PYY: variants seen among roughly 807,000 people sequenced by gnomAD.
PYY encodes peptide tyrosine tyrosine.
PYY carries 12 observed loss-of-function variants against 10.3 expected under a neutral mutation model. That is an observed-to-expected ratio of 1.17 (90% CI 0.75 to 1.89). PYY has a LOEUF of 1.89. PYY is among the 40% of genes most tolerant of loss of function. The pLI, the probability that PYY is intolerant of heterozygous loss-of-function variation, is 0.00. For missense variants in PYY, 141 were observed against 134.0 expected (o/e 1.05, Z -0.26); for synonymous variants, 66 against 62.0 (o/e 1.06, Z -0.30).
At chr17:44,000,857 T>C (rs760720761) in intron 1 of PYY, among the ~76,000 whole-genome samples, 7 of 152,100 alleles carry the variant, frequency 4.6e-5, no homozygotes, top group Non-Finnish European at 1.0e-4. Context: ...ACCTGGCCTA[T>C]GTGAGTGCAC....
intron 1 of PYY, among the ~76,000 whole-genome samples, chr17:43,976,985 C>G (rs2048853584): frequency 6.6e-6 from 1 of 152,048 alleles, no homozygotes; most frequent in African/African-American, 2.4e-5. Flanking sequence ...TGCCACCGGC[C>G]TCTACCCACA....
Position 43,979,898 on chromosome 17 carries a change from T to C in PYY, c.-462-13366A>G, listed in dbSNP as rs184735314. Among the ~76,000 whole-genome samples, 144 of 152,196 alleles carry C rather than the reference T, an allele frequency of 9.5e-4. No individual in the cohort carries two copies. The Middle Eastern group carries it at 0.02, about 22-fold the overall frequency. On this transcript the variant is annotated intron_variant, in intron 1 of 6. Transcript: ENST00000360085. ...GCTCCATAAATGTCAAAACACATTTTCAACTTTTTATTGAAGACTAGCACA... is the reference window on the plus strand; with the variant it reads ...GCTCCATAAATGTCAAAACACATTTCCAACTTTTTATTGAAGACTAGCACA...
Position 43,953,328 on chromosome 17 carries a change from C to T in PYY, c.156G>A (p.Leu52=). ...PEELNRYYAS[L]RHYLNLVTRQ... ...GGGTGACCAGGTTGAGGTAGTGGCG[C>T]AGGGAGGCGTAGTAGCGGTTCAGCT... is the stretch of plus-strand genomic sequence containing the variant. Residue 52 remains leucine (L), a synonymous_variant, in exon 2 of 4, where the codon CTG becomes CTA. Transcript: ENST00000692052. 1.9e-6 allele frequency: 3 copies of T among 1,612,864 alleles called. No homozygotes were observed. The highest frequency in any genetic ancestry group is 2.2e-5 in the South Asian group (2 of 90,984).
At chr17:43,958,961 A>G (rs2048693861) in intron 2 of PYY, among the ~76,000 whole-genome samples, 1 of 152,376 alleles carries the variant, frequency 6.6e-6, no homozygotes, top group Non-Finnish European at 1.5e-5. Flanking sequence ...ATTTGCTGAC[A>G]TGTTGAATTA....
intron 1 of PYY, among the ~76,000 whole-genome samples, chr17:43,982,510 T>G (rs930142377): frequency 6.6e-6 from 1 of 152,192 alleles, no homozygotes; most frequent in African/African-American, 2.4e-5. Context: ...AACTGAACAC[T>G]TGTACTTGGT....
At chr17:43,966,314 C>A (rs1811806354) in exon 2 of PYY, 2 of 153,210 alleles carry the variant, frequency 1.3e-5, no homozygotes, top group Admixed American at 1.3e-4. Flanking sequence ...TATCTGAATT[C>A]CCAAATCTCC....
At chr17:43,981,747 G>C (rs534746874) in intron 1 of PYY, among the ~76,000 whole-genome samples, 3 of 152,030 alleles carry the variant, frequency 2.0e-5, no homozygotes, top group African/African-American at 7.2e-5. Flanking sequence ...CTCGGCCTCC[G>C]AAAGTGCTGG....
At chr17:43,973,039 A>G (rs2048805854) in intron 1 of PYY, among the ~76,000 whole-genome samples, 1 of 151,706 alleles carries the variant, frequency 6.6e-6, no homozygotes, top group African/African-American at 2.4e-5. Flanking sequence ...CGATCTCACT[A>G]TGTTGCCCAG....
Position 43,970,094 on chromosome 17 carries a change from G to A in PYY, c.-462-3562C>T, listed in dbSNP as rs1364020922. Among the ~76,000 whole-genome samples the A allele has an allele frequency of 3.3e-5, 5 of 151,314 alleles. No individual in the cohort carries two copies. In the East Asian group the frequency reaches 9.7e-4, roughly 29 times the overall value. On this transcript the variant is annotated intron_variant, in intron 1 of 6. Transcript: ENST00000360085. ...GTGGTGCCTGTAGTCTCAGCTACTG[G>A]GGAGGCTGAAGTGGGGGAATCGCTT...
At chr17:43,967,720 C>T (rs1157307424) in intron 1 of PYY, among the ~76,000 whole-genome samples, 4 of 152,088 alleles carry the variant, frequency 2.6e-5, no homozygotes, top group African/African-American at 9.7e-5. Context: ...CAGACACGCA[C>T]GGGGCAGCTC....
chr17:43,971,730 G>C (rs9890045), intron 1 of PYY, among the ~76,000 whole-genome samples: 38,873 of 150,436 alleles, frequency 0.26, 7,945 homozygotes, highest in East Asian at 0.69. Context: ...TGAGTTTGAA[G>C]GGTTCTTTAT....
Position 43,963,570 on chromosome 17 carries a change from A to AAAAGAAAGAAAGAAAGAAAAAG in PYY, c.-218+2717_-218+2718insCTTTTTCTTTCTTTCTTTCTTT, listed in dbSNP as rs1555617069. On this transcript the variant is annotated intron_variant, in intron 2 of 6. Transcript: ENST00000360085. ...AAGGGAAGGAAGGAAGGAAGGAAGG[A>AAAAGAAAGAAAGAAAGAAAAAG]AAAGAAAGAAAGAAAGAAAGAAAGA... Among the ~76,000 whole-genome samples the AAAAGAAAGAAAGAAAGAAAAAG allele has an allele frequency of 5.4e-3, 560 of 104,644 alleles. 10 individuals carry two copies. The East Asian group carries it at 0.082, about 15-fold the overall frequency. The allele number at this position is 104,644 out of a possible 152,430, so 68.7% of individuals were successfully genotyped here.
Position 43,967,195 on chromosome 17 carries a change from CG to C in PYY, c.-462-664del, listed in dbSNP as rs201801367. On this transcript the variant is annotated intron_variant, in intron 1 of 6. Transcript: ENST00000360085. ...GCACGTGCCTATAATCCCAGCTACT[CG>C]GGAGGCTGAGGCAGGAGAATCACCA... Among the ~76,000 whole-genome samples, 971 of 152,132 alleles carry C rather than the reference CG, an allele frequency of 6.4e-3. 11 individuals are homozygous for C. Among genetic ancestry groups the C allele is most frequent in the African/African-American group, 0.022 (926 of 41,496 alleles).
chr17:43,979,513 A>G (rs988045655), intron 1 of PYY, among the ~76,000 whole-genome samples: 3 of 151,814 alleles, frequency 2.0e-5, no homozygotes, highest in Non-Finnish European at 2.9e-5. Flanking sequence ...TGGATGACAT[A>G]GTGAGACCTC....
chr17:43,954,288 G>T (rs1284753219), upstream of PYY, among the ~76,000 whole-genome samples: 1 of 152,176 alleles, frequency 6.6e-6, no homozygotes, highest in Non-Finnish European at 1.5e-5. Context: ...GTCTTCCCTA[G>T]CCTGTCCGTG....
At chr17:43,955,171 T>C (rs938695894), upstream of PYY, among the ~76,000 whole-genome samples, 1 of 152,182 alleles carries the variant, frequency 6.6e-6, no homozygotes, top group African/African-American at 2.4e-5. Flanking sequence ...ACCTTCAGAC[T>C]GCCAACCCCC....
rs1491234902 is a variant in PYY at position 43,963,568 on chromosome 17, G to GGAAAAGAAAGAAAGAAAGAAA, written c.-218+2699_-218+2719dup. On this transcript the variant is annotated intron_variant, in intron 2 of 6. Transcript: ENST00000360085. ...GGAAGGGAAGGAAGGAAGGAAGGAAGGAAAAGAAAGAAAGAAAGAAAGAAA... is the reference window on the plus strand; with the variant it reads ...GGAAGGGAAGGAAGGAAGGAAGGAAGGAAAAGAAAGAAAGAAAGAAAGAAAAGAAAGAAAGAAAGAAAGAAA... Among the ~76,000 whole-genome samples, 326 of 82,590 alleles carry GGAAAAGAAAGAAAGAAAGAAA rather than the reference G, an allele frequency of 3.9e-3. 5 individuals carry two copies. Among genetic ancestry groups the GGAAAAGAAAGAAAGAAAGAAA allele is most frequent in the African/African-American group, 0.016 (310 of 19,228 alleles). The allele number at this position is 82,590 out of a possible 152,430, so 54.2% of individuals were successfully genotyped here.
chr17:43,974,819 C>T (rs1447335472), intron 1 of PYY, among the ~76,000 whole-genome samples: 5 of 152,026 alleles, frequency 3.3e-5, no homozygotes, highest in Non-Finnish European at 4.4e-5. Context: ...GATTAGGATG[C>T]TTTTTCTTTC....
chr17:43,952,892 C>G lies in PYY; in HGVS notation c.*64G>C. 2.0e-6 allele frequency: 3 copies of G among 1,481,264 alleles called. No individual in the cohort carries two copies. Among genetic ancestry groups the G allele is most frequent in the Non-Finnish European group, 2.7e-6 (3 of 1,109,460 alleles). The allele number at this position is 1,481,264 out of a possible 1,614,324, so 91.8% of individuals were successfully genotyped here. A position where few individuals can be genotyped will look rare whatever the true frequency, so the allele number is the denominator to read the frequency against. ...GAGGCAGAATCCGGGTTTCTGGGGT[C>G]GGGAGTGCGTATGCAAATGACGTGG... is the stretch of plus-strand genomic sequence containing the variant. On this transcript the variant is annotated 3_prime_UTR_variant, in exon 4 of 4. Coordinates refer to ENST00000692052, the MANE Select transcript of PYY (RefSeq NM_001394028.1).
Sources: gnomAD v4.1 joint callset for allele counts (sites outside exome capture counted in the v4.1 genomes callset) on GRCh38, gnomAD v4.1.1 for gene constraint, MANE v1.5 for transcripts, NCBI Gene and HGNC (gene_info 2026-07-23, HGNC 2026-07-21) for gene names.